The following SLC24A2 variants were observed in gnomAD, a reference collection of about 807,000 sequenced individuals.
SLC24A2 encodes the protein solute carrier family 24 member 2.
A neutral mutation model predicts 62.0 loss-of-function variants in SLC24A2; 36 were observed. That is an observed-to-expected ratio of 0.58 (90% CI 0.44 to 0.77). The LOEUF (loss-of-function observed/expected upper bound fraction) is 0.77, where lower values mean the gene tolerates loss of function less well. Among genes scored for constraint, SLC24A2 ranks in the 30% least tolerant of loss-of-function variants. SLC24A2 has a pLI of 0.00. For synonymous variants in SLC24A2, 358 were observed against 294.0 expected, an observed-to-expected ratio of 1.22 and a Z score of -2.23; for missense variants, 846 against 817.9, an observed-to-expected ratio of 1.03 and a Z score of -0.42.
intron 4 of SLC24A2, among the ~76,000 whole-genome samples, chr9:19,618,479 C>T (rs745447300): frequency 9.9e-5 from 15 of 152,166 alleles, no homozygotes; most frequent in Non-Finnish European, 1.5e-4. Context: ...GTGATTGAAA[C>T]GCCCCATGCT....
chr9:19,638,903 A>G (rs1818423532), intron 2 of SLC24A2, among the ~76,000 whole-genome samples: 1 of 152,266 alleles, frequency 6.6e-6, no homozygotes, highest in Admixed American at 6.5e-5. Flanking sequence ...AAACTTGGAG[A>G]TGGCAGGTAG....
At chr9:19,816,098 C>T in the SLC24A2 span, among the ~76,000 whole-genome samples, 20 of 151,390 alleles carry the variant, frequency 1.3e-4, no homozygotes, top group African/African-American at 2.7e-4. Context: ...TAGTTTTTCA[C>T]GAGTGTGCTT....
At position 19,788,676 on chromosome 9, in the gene SLC24A2, A is replaced by G. The variant is rs569516755; in HGVS notation, c.-154+209T>C. ...TGCCCCACGCCCCCCATCCCAAGCC[A>G]AAAGCAAGGGTAGGAGAGGCGGGGG... On this transcript the variant is annotated intron_variant, in intron 1 of 10. Transcript: ENST00000341998. The G allele has an allele frequency of 1.5e-4, 150 of 985,018 alleles. 3 individuals carry two copies. In the South Asian group the frequency reaches 6.0e-3, roughly 40 times the overall value. 61.0% of individuals were successfully genotyped at this position (985,018 alleles called of 1,614,324 possible).
intron 2 of SLC24A2, among the ~76,000 whole-genome samples, chr9:19,709,232 A>G (rs377199965): frequency 1.1e-4 from 17 of 151,694 alleles, no homozygotes; most frequent in African/African-American, 3.1e-4. Flanking sequence ...TTAGAATGGC[A>G]ATCATTAAAA....
chr9:20,165,681 A>G, the SLC24A2 span, among the ~76,000 whole-genome samples: 2 of 151,954 alleles, frequency 1.3e-5, no homozygotes, highest in East Asian at 1.9e-4. Flanking sequence ...ATTAAGTTGT[A>G]TAAGTACTAG....
At chr9:19,880,957 C>G in the SLC24A2 span, among the ~76,000 whole-genome samples, 1 of 152,142 alleles carries the variant, frequency 6.6e-6, no homozygotes, top group Non-Finnish European at 1.5e-5. Context: ...TGGCTCTTTT[C>G]TCTACTAGCT....
the SLC24A2 span, among the ~76,000 whole-genome samples, chr9:19,932,041 A>G: frequency 2.6e-5 from 4 of 152,140 alleles, no homozygotes; most frequent in Non-Finnish European, 5.9e-5. Context: ...CAACAGCTGA[A>G]ATTTCTCATG....
At chr9:19,753,676 T>G (rs759188245) in intron 2 of SLC24A2, among the ~76,000 whole-genome samples, 200 of 152,192 alleles carry the variant, frequency 1.3e-3, no homozygotes, top group Non-Finnish European at 1.2e-3. Flanking sequence ...CCAAGCACAC[T>G]GTTGGCCTAC....
At chr9:20,104,915 G>C in the SLC24A2 span, among the ~76,000 whole-genome samples, 4 of 152,190 alleles carry the variant, frequency 2.6e-5, no homozygotes, top group East Asian at 1.9e-4. Context: ...ACTGGATAAA[G>C]AGTCAAGACC....
chr9:19,863,610 A>C, the SLC24A2 span, among the ~76,000 whole-genome samples: 1 of 150,196 alleles, frequency 6.7e-6, no homozygotes, highest in Non-Finnish European at 1.5e-5. Flanking sequence ...CTTCTGAATG[A>C]CCAGTGGGTA....
intron 8 of SLC24A2, among the ~76,000 whole-genome samples, chr9:19,532,385 C>G (rs115871754): frequency 6.6e-6 from 1 of 152,136 alleles, no homozygotes; most frequent in African/African-American, 2.4e-5. Flanking sequence ...TGTGAGATAC[C>G]TCACCTGACT....
At chr9:19,824,425 A>G in the SLC24A2 span, among the ~76,000 whole-genome samples, 3 of 152,346 alleles carry the variant, frequency 2.0e-5, no homozygotes, top group Non-Finnish European at 4.4e-5. Flanking sequence ...AAAAAAGCTC[A>G]TCATCACTGG....
the SLC24A2 span, among the ~76,000 whole-genome samples, chr9:20,162,619 A>G: frequency 6.6e-6 from 1 of 152,198 alleles, no homozygotes; most frequent in Non-Finnish European, 1.5e-5. Context: ...AATCCTCCCT[A>G]ACTCATTTGA....
chr9:19,529,994 C>T (rs903583118), intron 8 of SLC24A2, among the ~76,000 whole-genome samples: 1 of 151,666 alleles, frequency 6.6e-6, no homozygotes, highest in Admixed American at 6.6e-5. Flanking sequence ...CTCAGATGAT[C>T]TGCCTGCTTC....
chr9:19,730,736 T>C (rs1052038612), intron 2 of SLC24A2, among the ~76,000 whole-genome samples: 10 of 152,196 alleles, frequency 6.6e-5, no homozygotes, highest in Non-Finnish European at 1.2e-4. Flanking sequence ...TATATTACTT[T>C]TGCATTAAAA....
At chr9:19,551,137 A>C (rs991977158) in intron 7 of SLC24A2, among the ~76,000 whole-genome samples, 6 of 152,150 alleles carry the variant, frequency 3.9e-5, no homozygotes, top group African/African-American at 1.4e-4. Flanking sequence ...TGTCACCCCC[A>C]CACCCTTCTC....
the SLC24A2 span, among the ~76,000 whole-genome samples, chr9:20,276,187 C>G: frequency 6.6e-6 from 1 of 152,298 alleles, no homozygotes; most frequent in African/African-American, 2.4e-5. Context: ...CAAGCTAAGT[C>G]GCTTCTGCCT....
At chr9:19,783,978 GCTTT>G (rs1473289387) in intron 2 of SLC24A2, among the ~76,000 whole-genome samples, 1 of 152,198 alleles carries the variant, frequency 6.6e-6, no homozygotes, top group South Asian at 2.1e-4. Flanking sequence ...AATATAACCT[GCTTT>G]CTTTTTCAAT....
chr9:19,557,546 G>A (rs192905212), intron 7 of SLC24A2, among the ~76,000 whole-genome samples: 2 of 152,330 alleles, frequency 1.3e-5, no homozygotes, highest in Non-Finnish European at 2.9e-5. Context: ...CTGTAGTGGT[G>A]TTGACTCAAA....
Sources: gnomAD v4.1 joint callset for allele counts (sites outside exome capture counted in the v4.1 genomes callset) on GRCh38, gnomAD v4.1.1 for gene constraint, MANE v1.5 for transcripts, NCBI Gene and HGNC (gene_info 2026-07-23, HGNC 2026-07-21) for gene names.